DLGAP2: variants seen among roughly 807,000 people sequenced by gnomAD.
DLGAP2 encodes disks large-associated protein 2.
A neutral mutation model predicts 100.3 loss-of-function variants in DLGAP2; 26 were observed. The ratio of observed to expected loss-of-function variants is 0.26; its 90% CI spans 0.19 to 0.36. The LOEUF (loss-of-function observed/expected upper bound fraction) is 0.36, where lower values mean the gene tolerates loss of function less well. DLGAP2 is among the 10% of genes least tolerant of loss of function. The probability of loss-of-function intolerance (pLI) is 1.00; values close to 1 mark genes in which losing one functional copy is unlikely to be tolerated. For missense variants in DLGAP2, 1,858 were observed against 1,453.2 expected, an observed-to-expected ratio of 1.28 and a Z score of -4.53; for synonymous variants, 886 against 630.1, an observed-to-expected ratio of 1.41 and a Z score of -6.08.
At chr8:1,320,007 G>A (rs749084713) in intron 3 of DLGAP2, among the ~76,000 whole-genome samples, 1 of 152,160 alleles carries the variant, frequency 6.6e-6, no homozygotes, top group Non-Finnish European at 1.5e-5. Flanking sequence ...GGAGACAAAG[G>A]TAAGCGCACA....
At chr8:1,198,149 C>T (rs1797794669) in intron 2 of DLGAP2, among the ~76,000 whole-genome samples, 1 of 151,966 alleles carries the variant, frequency 6.6e-6, no homozygotes, top group Non-Finnish European at 1.5e-5. Context: ...GACGTAGACT[C>T]CCACACAGGC....
At chr8:822,672 A>C (rs1340757707) in intron 1 of DLGAP2, among the ~76,000 whole-genome samples, 1 of 152,160 alleles carries the variant, frequency 6.6e-6, no homozygotes, top group African/African-American at 2.4e-5. Context: ...AGCAGTCTGA[A>C]CTGTTTTCCA....
chr8:1,571,946 G>C (rs1482504009), intron 6 of DLGAP2, among the ~76,000 whole-genome samples: 1 of 140,484 alleles, frequency 7.1e-6, no homozygotes, highest in South Asian at 2.4e-4. Context: ...GGGATGGAGA[G>C]GAGAGAGGGT....
chr8:1,280,916 C>G (rs1464194485), intron 3 of DLGAP2, among the ~76,000 whole-genome samples: 1 of 152,196 alleles, frequency 6.6e-6, no homozygotes, highest in Non-Finnish European at 1.5e-5. Flanking sequence ...GGGAACAAGT[C>G]CACTGCGTTT....
At chr8:1,196,963 C>T (rs1797764876) in intron 2 of DLGAP2, among the ~76,000 whole-genome samples, 1 of 152,110 alleles carries the variant, frequency 6.6e-6, no homozygotes, top group Non-Finnish European at 1.5e-5. Context: ...GCTGGAGACC[C>T]AGGGAAGCCA....
intron 7 of DLGAP2, among the ~76,000 whole-genome samples, chr8:1,631,618 A>AAAAATCCTC (rs1797647274): frequency 1.3e-5 from 2 of 152,218 alleles, no homozygotes; most frequent in East Asian, 3.9e-4. Context: ...CTTTCTGAAA[A>AAAAATCCTC]AGGCCACCCC....
At position 1,247,410 on chromosome 8, in the gene DLGAP2, G is replaced by A. The variant is rs567093024; in HGVS notation, c.74-11441G>A. ...GTGGCCGGGAAGACCTTTGAGATCA[G>A]TGTGGGAGTAATGGCCCATGTTGGT... On this transcript the variant is annotated intron_variant, in intron 2 of 14. Transcript: ENST00000637795. Among the ~76,000 whole-genome samples, 785 of 137,806 alleles carry A rather than the reference G, an allele frequency of 5.7e-3. 2 individuals are homozygous for A. Among genetic ancestry groups the A allele is most frequent in the African/African-American group, 0.022 (744 of 33,098 alleles). The allele number at this position is 137,806 out of a possible 152,430, so 90.4% of individuals were successfully genotyped here.
intron 3 of DLGAP2, among the ~76,000 whole-genome samples, chr8:1,440,335 T>C (rs1797794283): frequency 6.6e-6 from 1 of 152,170 alleles, no homozygotes; most frequent in East Asian, 1.9e-4. Flanking sequence ...ACGTGGGAAA[T>C]GGAGTCAATA....
rs77069600 is a variant in DLGAP2, at chr8:1,471,516, G to A, written c.107-29850G>A. 1.4e-3 allele frequency among the ~76,000 whole-genome samples: 204 copies of A among 148,194 alleles called. 1 individual carries two copies. The East Asian group carries it at 0.025, about 18-fold the overall frequency. On this transcript the variant is annotated intron_variant, in intron 3 of 14. Coordinates refer to ENST00000637795, the MANE Select transcript of DLGAP2 (RefSeq NM_001346810.2). Reference sequence around the variant, plus strand: ...GCACCATGGCCAACCCAGCCTCTGCGATGCCCTCCCCTCCCCTCCCAGCCT... The same window carrying A: ...GCACCATGGCCAACCCAGCCTCTGCAATGCCCTCCCCTCCCCTCCCAGCCT...
intron 6 of DLGAP2, among the ~76,000 whole-genome samples, chr8:1,590,846 C>T (rs1796268962): frequency 6.6e-6 from 1 of 151,802 alleles, no homozygotes. Flanking sequence ...CTGAGCCCCA[C>T]CCCTGGCAGA....
At chr8:1,084,093 C>G (rs893219660) in intron 2 of DLGAP2, among the ~76,000 whole-genome samples, 3 of 152,004 alleles carry the variant, frequency 2.0e-5, no homozygotes, top group African/African-American at 7.2e-5. Flanking sequence ...TGTATGTACT[C>G]TTAACTCAAT....
chr8:1,216,135 G>C (rs1053848581), intron 2 of DLGAP2, among the ~76,000 whole-genome samples: 1 of 152,218 alleles, frequency 6.6e-6, no homozygotes, highest in Admixed American at 6.5e-5. Context: ...GGTGTGTCTA[G>C]ACAGGGGAGT....
At chr8:1,676,979 A>G (rs1187208822) in intron 11 of DLGAP2, among the ~76,000 whole-genome samples, 1 of 152,238 alleles carries the variant, frequency 6.6e-6, no homozygotes, top group Non-Finnish European at 1.5e-5. Context: ...GAAAGACAGC[A>G]AAGCACGTTC....
At chr8:795,552 G>A (rs1001236419) in intron 1 of DLGAP2, among the ~76,000 whole-genome samples, 1 of 152,212 alleles carries the variant, frequency 6.6e-6, no homozygotes, top group Non-Finnish European at 1.5e-5. Context: ...AAGGCCGCAT[G>A]TTGCCCTTTC....
intron 2 of DLGAP2, among the ~76,000 whole-genome samples, chr8:1,213,610 A>C (rs559793719): frequency 6.6e-6 from 1 of 152,218 alleles, no homozygotes; most frequent in South Asian, 2.1e-4. Flanking sequence ...AGCAGGGGTA[A>C]GCAGCGTTCA....
rs531128651 is a variant in DLGAP2 at position 1,341,360 on chromosome 8, C to G, written c.106+82477C>G. Among the ~76,000 whole-genome samples the G allele has an allele frequency of 7.2e-5, 11 of 152,280 alleles. No homozygotes were observed. The East Asian group carries it at 1.5e-3, about 21-fold the overall frequency. On this transcript the variant is annotated intron_variant, in intron 3 of 14. Coordinates refer to ENST00000637795, the MANE Select transcript of DLGAP2 (RefSeq NM_001346810.2). Reference sequence around the variant, plus strand: ...ACGTGCAGTCCTTTTGGCATACTTTCTTTTTGCAGTACATTTAATTTTATT... The same window carrying G: ...ACGTGCAGTCCTTTTGGCATACTTTGTTTTTGCAGTACATTTAATTTTATT...
chr8:811,503 G>T (rs1796369463), intron 1 of DLGAP2, among the ~76,000 whole-genome samples: 1 of 148,402 alleles, frequency 6.7e-6, no homozygotes, highest in African/African-American at 2.5e-5. Context: ...TCCTGCCGTG[G>T]TGAGAGGCCA....
intron 1 of DLGAP2, among the ~76,000 whole-genome samples, chr8:860,957 C>T (rs149102326): frequency 1.2e-4 from 18 of 152,212 alleles, no homozygotes; most frequent in African/African-American, 3.1e-4. Flanking sequence ...AGGTGAGAGC[C>T]GTGCCTGTCC....
intron 2 of DLGAP2, among the ~76,000 whole-genome samples, chr8:1,134,892 C>T (rs879811560): frequency 2.0e-5 from 3 of 152,154 alleles, no homozygotes; most frequent in Admixed American, 2.0e-4. Flanking sequence ...TGATCCAATC[C>T]CCTCCCGCCA....
Sources: allele counts gnomAD v4.1 joint callset (sites outside exome capture counted in the v4.1 genomes callset), GRCh38; gene constraint gnomAD v4.1.1; transcripts MANE v1.5; gene names NCBI Gene and HGNC (gene_info 2026-07-23, HGNC 2026-07-21).